Variants in STYXL1 observed in about 807,000 individuals in gnomAD.
The protein encoded by STYXL1 is serine/threonine/tyrosine-interacting-like protein 1.
STYXL1 carries 32 observed loss-of-function variants against 36.4 expected under a neutral mutation model. The ratio of observed to expected loss-of-function variants is 0.88; its 90% CI spans 0.66 to 1.18. The LOEUF is 1.18. STYXL1 is among the 50% of genes most tolerant of loss of function. The pLI, the probability that STYXL1 is intolerant of heterozygous loss-of-function variation, is 0.00. For missense variants in STYXL1, 354 were observed against 394.1 expected (o/e 0.90, Z 0.86); for synonymous variants, 133 against 144.1 (o/e 0.92, Z 0.55).
At chr7:76,023,169 C>G (rs1025715168) in intron 3 of STYXL1, among the ~76,000 whole-genome samples, 1 of 152,038 alleles carries the variant, frequency 6.6e-6, no homozygotes, top group Non-Finnish European at 1.5e-5. Flanking sequence ...GCTTCCCACT[C>G]CACCCCTCCA....
In STYXL1 at chr7:76,030,516, C is replaced by G; in HGVS notation, c.8G>C (p.Gly3Ala). The G allele has an allele frequency of 1.9e-6, 3 of 1,609,832 alleles. No homozygotes were observed. The South Asian group carries it at 3.3e-5, about 18-fold the overall frequency. Residue 3 changes from glycine to alanine, a missense_variant, in exon 2 of 9, where the codon GGT becomes GCT. Physicochemically the swap from Gly to Ala is moderately conservative, Grantham distance 60. Transcript: ENST00000359697. Reference protein sequence around the residue: MPGLLLCEPTELY... With the variant: MPALLLCEPTELY... ...CTCTGTTGGTTCACATAAAAGCAAA[C>G]CAGGCATCCTGCTGGGAAGAATCAA...
intron 6 of STYXL1, among the ~76,000 whole-genome samples, chr7:76,004,671 T>A (rs1791427241): frequency 6.7e-6 from 1 of 150,348 alleles, no homozygotes; most frequent in Admixed American, 6.6e-5. Context: ...GCCACTGCAC[T>A]CCAGCCTGGG....
chr7:76,022,616 G>A (rs1563497585), intron 3 of STYXL1, among the ~76,000 whole-genome samples: 1 of 152,290 alleles, frequency 6.6e-6, no homozygotes, highest in South Asian at 2.1e-4. Context: ...AGTGAGCTGC[G>A]ATTGTGTCAC....
intron 1 of STYXL1, among the ~76,000 whole-genome samples, chr7:76,037,787 C>A (rs782269122): frequency 6.7e-6 from 1 of 149,850 alleles, no homozygotes; most frequent in Non-Finnish European, 1.5e-5. Flanking sequence ...AGAAGCCAGA[C>A]CATGAGCTTC....
chr7:76,009,864 T>C (rs1792340656), intron 5 of STYXL1, among the ~76,000 whole-genome samples: 1 of 152,158 alleles, frequency 6.6e-6, no homozygotes, highest in Non-Finnish European at 1.5e-5. Flanking sequence ...ACCTACATTC[T>C]AAAGACAGCT....
intron 7 of STYXL1, among the ~76,000 whole-genome samples, chr7:76,002,137 T>A (rs541545280): frequency 1.3e-5 from 2 of 152,204 alleles, no homozygotes; most frequent in East Asian, 3.9e-4. Flanking sequence ...GGTCTCACAA[T>A]GTTGCCCGGG....
chr7:76,024,479 T>C (rs191424164), intron 3 of STYXL1, among the ~76,000 whole-genome samples: 4 of 152,096 alleles, frequency 2.6e-5, no homozygotes, highest in African/African-American at 9.6e-5. Flanking sequence ...TAGCTGGGTG[T>C]GGTGGTGCAC....
At chr7:76,018,778 A>C (rs150205671) in intron 4 of STYXL1, among the ~76,000 whole-genome samples, 29 of 152,314 alleles carry the variant, frequency 1.9e-4, no homozygotes, top group African/African-American at 6.5e-4. Context: ...ATAGACACTT[A>C]GGTTGTTCGT....
At chr7:76,043,179 T>C (rs185285489) in intron 1 of STYXL1, among the ~76,000 whole-genome samples, 3 of 152,322 alleles carry the variant, frequency 2.0e-5, no homozygotes, top group African/African-American at 4.8e-5. Context: ...TCACGCTCTG[T>C]TGCCCAGGCT....
At chr7:76,039,158 G>A (rs1443917882) in intron 1 of STYXL1, among the ~76,000 whole-genome samples, 2 of 149,074 alleles carry the variant, frequency 1.3e-5, no homozygotes, top group East Asian at 1.9e-4. Context: ...GGCTGGTCTC[G>A]AACTCCTGAC....
chr7:76,014,760 A>G (rs1233115001), intron 4 of STYXL1, among the ~76,000 whole-genome samples: 1 of 151,980 alleles, frequency 6.6e-6, no homozygotes, highest in East Asian at 1.9e-4. Flanking sequence ...ATGCATACAT[A>G]TGGTTTACAT....
At chr7:76,000,369 G>A in intron 8 of STYXL1, 1 of 455,254 alleles carries the variant, frequency 2.2e-6, no homozygotes, top group Non-Finnish European at 4.4e-6. Context: ...AAATGTTGGG[G>A]CTTTGTAGGT....
intron 1 of STYXL1, among the ~76,000 whole-genome samples, chr7:76,031,154 C>A (rs1252382273): frequency 1.3e-5 from 2 of 149,042 alleles, no homozygotes; most frequent in Non-Finnish European, 3.0e-5. Context: ...GAGCGAGACT[C>A]TGTCTAAAAT....
intron 1 of STYXL1, among the ~76,000 whole-genome samples, chr7:76,036,497 T>A (rs1258698599): frequency 6.7e-6 from 1 of 150,186 alleles, no homozygotes; most frequent in African/African-American, 2.4e-5. Flanking sequence ...GTAATATAGA[T>A]GAGTTTTTGC....
intron 3 of STYXL1, among the ~76,000 whole-genome samples, chr7:76,027,494 C>G (rs1203423278): frequency 1.3e-5 from 2 of 151,526 alleles, no homozygotes; most frequent in African/African-American, 4.9e-5. Context: ...CATGTTGGCA[C>G]AAGTCTGCAG....
At chr7:76,033,885 C>T (rs4732542) in intron 1 of STYXL1, among the ~76,000 whole-genome samples, 84,532 of 152,068 alleles carry the variant, frequency 0.56, 25,615 homozygotes, top group Non-Finnish European at 0.7. Context: ...CTCTGCGATT[C>T]ACTATCAGCT....
intron 1 of STYXL1, among the ~76,000 whole-genome samples, chr7:76,032,573 A>G (rs1329585582): frequency 2.6e-5 from 4 of 152,014 alleles, no homozygotes; most frequent in African/African-American, 9.7e-5. Context: ...GTGGTGGTGC[A>G]TGCCTGTAGT....
chr7:76,000,908 A>C lies in STYXL1; in HGVS notation c.792T>G (p.Ser264Arg). The C allele has an allele frequency of 6.2e-7, 1 of 1,614,116 alleles. No homozygotes were observed. Among genetic ancestry groups the C allele is most frequent in the Non-Finnish European group, 8.5e-7 (1 of 1,179,942 alleles). Residue 264 changes from serine (S) to arginine (R), a missense_variant, in exon 8 of 9, where the codon AGT (serine) becomes AGG (arginine). Ser to Arg is a moderately radical substitution (Grantham distance 110). Transcript: ENST00000359697. ...CAAIIAYLMH[S>R]NEQTLQRSWA... The stretch of plus-strand genomic sequence containing the variant: ...CGCATACCTGCAAGGTCTGCTCGTT[A>C]CTATGCATGAGGTAGGCTATGATGG...
chr7:75,997,748 TAATA>T (rs1302218403), intron 8 of STYXL1, among the ~76,000 whole-genome samples: 2 of 152,028 alleles, frequency 1.3e-5, no homozygotes, highest in Non-Finnish European at 2.9e-5. Flanking sequence ...CACACACAGC[TAATA>T]AATTCAGCAA....
Sources: gnomAD v4.1 joint callset for allele counts (sites outside exome capture counted in the v4.1 genomes callset) on GRCh38, gnomAD v4.1.1 for gene constraint, MANE v1.5 for transcripts, NCBI Gene and HGNC (gene_info 2026-07-23, HGNC 2026-07-21) for gene names.